ZNF69: variants seen among roughly 807,000 people sequenced by gnomAD.
ZNF69 encodes the protein ZNF3.
A neutral mutation model predicts 50.9 loss-of-function variants in ZNF69; 47 were observed. The observed-to-expected ratio is 0.92, with a 90% confidence interval of 0.73 to 1.18. The LOEUF (loss-of-function observed/expected upper bound fraction) is 1.18. ZNF69 is among the 50% of genes most tolerant of loss of function. The pLI is 0.00. For missense variants in ZNF69, 717 were observed against 675.1 expected (o/e 1.06, Z -0.69); for synonymous variants, 216 against 223.1 (o/e 0.97, Z 0.29).
At chr19:11,946,400 C>G in the ZNF69 span, among the ~76,000 whole-genome samples, 7 of 152,146 alleles carry the variant, frequency 4.6e-5, no homozygotes, top group African/African-American at 1.7e-4. Context: ...CATGGGTCCT[C>G]TGACATTGGG....
the ZNF69 span, among the ~76,000 whole-genome samples, chr19:11,954,673 A>G: frequency 6.6e-6 from 1 of 152,202 alleles, no homozygotes; most frequent in South Asian, 2.1e-4. Context: ...TCTACAAAAA[A>G]TACAAAAAAT....
At chr19:11,920,659 G>T in the ZNF69 span, among the ~76,000 whole-genome samples, 1 of 152,026 alleles carries the variant, frequency 6.6e-6, no homozygotes, top group South Asian at 2.1e-4. Context: ...AGGCTGAGGG[G>T]GGTGCATCAC....
chr19:11,969,410 T>G, the ZNF69 span, among the ~76,000 whole-genome samples: 1 of 152,230 alleles, frequency 6.6e-6, no homozygotes, highest in African/African-American at 2.4e-5. Flanking sequence ...GGGCCTGACT[T>G]ACTTGTTCAC....
the ZNF69 span, among the ~76,000 whole-genome samples, chr19:11,976,139 C>T: frequency 1.3e-4 from 20 of 149,416 alleles, no homozygotes; most frequent in African/African-American, 5.0e-4. Flanking sequence ...AGCTATCTGC[C>T]TTCTCTAACA....
chr19:11,917,413 C>T (rs535165932), downstream of ZNF69, among the ~76,000 whole-genome samples: 18 of 152,266 alleles, frequency 1.2e-4, no homozygotes, highest in African/African-American at 3.6e-4. Context: ...TTTCTGACTG[C>T]TCACATTTCC....
the ZNF69 span, among the ~76,000 whole-genome samples, chr19:11,972,072 A>G: frequency 1.3e-5 from 2 of 152,100 alleles, no homozygotes; most frequent in Admixed American, 6.5e-5. Flanking sequence ...CAAAAAAAAA[A>G]AAAAGAAAAG....
At chr19:11,932,371 T>A in the ZNF69 span, among the ~76,000 whole-genome samples, 1 of 147,196 alleles carries the variant, frequency 6.8e-6, no homozygotes, top group Non-Finnish European at 1.5e-5. Flanking sequence ...ACAAAAAAAT[T>A]AGTTTCAATA....
At chr19:11,973,585 T>A in the ZNF69 span, among the ~76,000 whole-genome samples, 2 of 152,140 alleles carry the variant, frequency 1.3e-5, no homozygotes, top group African/African-American at 4.8e-5. Context: ...ATTCACCTAT[T>A]GAAAGGCTCA....
At chr19:11,972,742 A>G in the ZNF69 span, among the ~76,000 whole-genome samples, 2 of 152,166 alleles carry the variant, frequency 1.3e-5, no homozygotes, top group Non-Finnish European at 2.9e-5. Context: ...ACGTTGAGCA[A>G]ATAATCCACA....
the ZNF69 span, among the ~76,000 whole-genome samples, chr19:11,942,584 T>A: frequency 7.2e-5 from 11 of 152,114 alleles, no homozygotes; most frequent in East Asian, 2.1e-3. Context: ...AGAGAGAAAT[T>A]CCTGCCCCTT....
chr19:11,914,751 C>G (rs975797464), downstream of ZNF69, among the ~76,000 whole-genome samples: 6 of 152,164 alleles, frequency 3.9e-5, no homozygotes, highest in African/African-American at 1.4e-4. Flanking sequence ...TCCCTAAGAT[C>G]AAAATCCAGG....
chr19:11,889,981 G>C (rs1046735918), intron 1 of ZNF69, among the ~76,000 whole-genome samples: 4 of 152,218 alleles, frequency 2.6e-5, no homozygotes, highest in African/African-American at 7.2e-5. Context: ...AAATATCTCA[G>C]TGTAGCAAAG....
At chr19:11,935,909 C>T in the ZNF69 span, among the ~76,000 whole-genome samples, 5 of 152,166 alleles carry the variant, frequency 3.3e-5, no homozygotes, top group Non-Finnish European at 5.9e-5. Context: ...GCCCTGTGTC[C>T]GAGTGGTCTC....
chr19:11,945,785 C>T, the ZNF69 span, among the ~76,000 whole-genome samples: 1 of 152,008 alleles, frequency 6.6e-6, no homozygotes, highest in Admixed American at 6.6e-5. Context: ...GAGCTGTGCT[C>T]TGTAAGAGAG....
At chr19:11,925,332 A>G in the ZNF69 span, 1 of 1,599,162 alleles carries the variant, frequency 6.3e-7, no homozygotes, top group Non-Finnish European at 8.5e-7. Flanking sequence ...AACAGGCGGG[A>G]ACCGGCTGTG....
chr19:11,918,525 T>C (rs915988460), downstream of ZNF69, among the ~76,000 whole-genome samples: 1 of 152,186 alleles, frequency 6.6e-6, no homozygotes, highest in Non-Finnish European at 1.5e-5. Flanking sequence ...CCTTGCTCTG[T>C]AGCCCAGCTG....
At chr19:11,917,807 T>TTTTTTTTG (rs1972535016), downstream of ZNF69, among the ~76,000 whole-genome samples, 1 of 149,264 alleles carries the variant, frequency 6.7e-6, no homozygotes. Context: ...TTTTTTTTTT[T>TTTTTTTTG]GAGACAGTCT....
chr19:11,945,884 G>A, the ZNF69 span, among the ~76,000 whole-genome samples: 1 of 152,088 alleles, frequency 6.6e-6, no homozygotes, highest in African/African-American at 2.4e-5. Flanking sequence ...ATTACTTCAT[G>A]TACCCCTATA....
In ZNF69 at chr19:11,905,298, G is replaced by A. The variant is rs975024818; in HGVS notation, c.901G>A (p.Glu301Lys). ...TAGACATGAAAGGATTCACACGGGA[G>A]AGAAGGCTTATCAATGTAAGGAATG... ...YRRHERIHTG[E>K]KAYQCKECGK... Residue 301 changes from glutamate (E) to lysine (K), a missense_variant, in exon 4 of 4, where the codon GAG becomes AAG. Transcript: ENST00000429654. 6.2e-7 allele frequency: 1 copy of A among 1,614,174 alleles called. No homozygotes were observed. Among genetic ancestry groups the A allele is most frequent in the East Asian group, 2.2e-5 (1 of 44,870 alleles).
Sources: gnomAD v4.1 joint callset for allele counts (sites outside exome capture counted in the v4.1 genomes callset) on GRCh38, gnomAD v4.1.1 for gene constraint, MANE v1.5 for transcripts, NCBI Gene and HGNC (gene_info 2026-07-23, HGNC 2026-07-21) for gene names.